The following RCAN1 variants were observed in gnomAD, a reference collection of about 807,000 sequenced individuals.
The protein encoded by RCAN1 is calcipressin-1.
RCAN1 carries 11 observed loss-of-function variants against 22.9 expected under a neutral mutation model. The observed-to-expected ratio is 0.48, with a 90% confidence interval of 0.30 to 0.79. The LOEUF is 0.79. Among genes scored for constraint, RCAN1 ranks in the 30% least tolerant of loss-of-function variants. The probability of loss-of-function intolerance (pLI) is 0.06; values close to 1 mark genes in which losing one functional copy is unlikely to be tolerated. For synonymous variants in RCAN1, 136 were observed against 142.3 expected (o/e 0.96, Z 0.32); for missense variants, 291 against 337.8 (o/e 0.86, Z 1.09).
At chr21:34,598,346 G>A (rs949383872) in intron 1 of RCAN1, among the ~76,000 whole-genome samples, 5 of 152,226 alleles carry the variant, frequency 3.3e-5, no homozygotes, top group African/African-American at 1.2e-4. Flanking sequence ...CATGAAAACA[G>A]TAGTATGAAA....
intron 1 of RCAN1, among the ~76,000 whole-genome samples, chr21:34,545,032 G>A (rs1265364897): frequency 1.3e-5 from 2 of 152,204 alleles, no homozygotes; most frequent in Non-Finnish European, 1.5e-5. Flanking sequence ...CACCATCAGT[G>A]GAGCGAGAGC....
At chr21:34,537,842 G>C (rs1305857222) in intron 1 of RCAN1, among the ~76,000 whole-genome samples, 1 of 152,176 alleles carries the variant, frequency 6.6e-6, no homozygotes, top group Non-Finnish European at 1.5e-5. Context: ...GTGTGTGTGT[G>C]TGTGTACTTA....
chr21:34,555,286 C>T (rs1039883527), intron 1 of RCAN1, among the ~76,000 whole-genome samples: 3 of 152,096 alleles, frequency 2.0e-5, no homozygotes, highest in Non-Finnish European at 4.4e-5. Flanking sequence ...ATGAGCCAAT[C>T]GGGGACATTT....
At chr21:34,530,430 T>A (rs1985315404) in intron 1 of RCAN1, among the ~76,000 whole-genome samples, 1 of 152,106 alleles carries the variant, frequency 6.6e-6, no homozygotes, top group Non-Finnish European at 1.5e-5. Flanking sequence ...TCTAAGGAGT[T>A]GACAACTGCA....
At chr21:34,565,887 A>C (rs1986985987) in intron 1 of RCAN1, among the ~76,000 whole-genome samples, 1 of 152,194 alleles carries the variant, frequency 6.6e-6, no homozygotes, top group Non-Finnish European at 1.5e-5. Flanking sequence ...AAGCTCTGCA[A>C]GGGCGGAGCT....
At chr21:34,595,460 G>A (rs1002977617) in intron 1 of RCAN1, among the ~76,000 whole-genome samples, 9 of 152,246 alleles carry the variant, frequency 5.9e-5, no homozygotes, top group African/African-American at 1.7e-4. Context: ...ATCAAGCTAA[G>A]TTTGACCTTT....
chr21:34,544,348 A>G (rs1158993546), intron 1 of RCAN1, among the ~76,000 whole-genome samples: 1 of 152,224 alleles, frequency 6.6e-6, no homozygotes, highest in Non-Finnish European at 1.5e-5. Context: ...GGAGGGGGCC[A>G]TGTGGCAAGG....
chr21:34,568,559 C>T (rs1224933027), intron 1 of RCAN1, among the ~76,000 whole-genome samples: 2 of 152,202 alleles, frequency 1.3e-5, no homozygotes, highest in East Asian at 1.9e-4. Context: ...GCAGAATGAG[C>T]TCTTAGAGGG....
intron 1 of RCAN1, among the ~76,000 whole-genome samples, chr21:34,534,446 T>C (rs1340299593): frequency 5.3e-5 from 8 of 152,258 alleles, no homozygotes; most frequent in Middle Eastern, 3.4e-3. Flanking sequence ...CTTGGCATCA[T>C]AGTCATGTTG....
intron 1 of RCAN1, among the ~76,000 whole-genome samples, chr21:34,544,741 G>T (rs201790737): frequency 6.6e-6 from 1 of 152,208 alleles, no homozygotes; most frequent in East Asian, 1.9e-4. Flanking sequence ...TGGTCCCCAA[G>T]ATAGAAAGTA....
rs1984109767 is a variant in RCAN1 at position 34,517,294 on chromosome 21, C to T, written c.*790G>A. 1 of 152,258 alleles carries T rather than the reference C, an allele frequency of 6.6e-6. No homozygotes were observed. The highest frequency in any genetic ancestry group is 1.5e-5 in the Non-Finnish European group (1 of 68,046). The allele number at this position is 152,258 out of a possible 1,614,324, so 9.4% of individuals were successfully genotyped here. A position where few individuals can be genotyped will look rare whatever the true frequency, so the allele number is the denominator to read the frequency against. On this transcript the variant is annotated 3_prime_UTR_variant, in exon 4 of 4. Coordinates refer to ENST00000313806, the MANE Select transcript of RCAN1 (RefSeq NM_004414.7). ...CCACTAAAAGTTGGCAGTGAAACTG[C>T]TATTCTCTGAATTGTATAAGCTAAA...
At chr21:34,602,930 A>G (rs913695022) in intron 1 of RCAN1, among the ~76,000 whole-genome samples, 1 of 152,124 alleles carries the variant, frequency 6.6e-6, no homozygotes, top group African/African-American at 2.4e-5. Flanking sequence ...TCTCCCCTTC[A>G]GGTGAGCACG....
chr21:34,577,144 G>A (rs1987434874), intron 1 of RCAN1, among the ~76,000 whole-genome samples: 1 of 152,208 alleles, frequency 6.6e-6, no homozygotes, highest in Admixed American at 6.5e-5. Flanking sequence ...GCACTAATGA[G>A]CTGAGTGAGG....
intron 1 of RCAN1, among the ~76,000 whole-genome samples, chr21:34,581,263 T>A (rs748680368): frequency 2.4e-4 from 36 of 152,324 alleles, no homozygotes; most frequent in Non-Finnish European, 4.6e-4. Context: ...GTCCAATCCC[T>A]ATTCCAACAT....
chr21:34,530,073 T>G (rs891222759), intron 1 of RCAN1, among the ~76,000 whole-genome samples: 1 of 151,896 alleles, frequency 6.6e-6, no homozygotes, highest in Admixed American at 6.5e-5. Flanking sequence ...TGGGTATGTC[T>G]TGTCTTTATC....
chr21:34,605,914 G>A (rs1052732707), intron 1 of RCAN1, among the ~76,000 whole-genome samples: 6 of 89,196 alleles, frequency 6.7e-5, no homozygotes, highest in African/African-American at 1.3e-4. Context: ...AGCAAGACTC[G>A]GTCTCAGAAA....
chr21:34,524,065 C>A (rs2123582098), intron 1 of RCAN1: 1 of 163,278 alleles, frequency 6.1e-6, no homozygotes, highest in Middle Eastern at 3.2e-3. Context: ...GCATGAGCCA[C>A]CGTGCCTGGC....
intron 3 of RCAN1, among the ~76,000 whole-genome samples, chr21:34,519,739 C>T (rs1984357566): frequency 6.6e-6 from 1 of 152,092 alleles, no homozygotes; most frequent in African/African-American, 2.4e-5. Context: ...CGAGGAGGCA[C>T]CGCACCAACC....
At chr21:34,610,020 G>A (rs774185522) in intron 1 of RCAN1, among the ~76,000 whole-genome samples, 3 of 152,124 alleles carry the variant, frequency 2.0e-5, no homozygotes, top group East Asian at 1.9e-4. Flanking sequence ...CTGAGAAACC[G>A]CATGCCTCAC....
Sources: allele counts gnomAD v4.1 joint callset (sites outside exome capture counted in the v4.1 genomes callset), GRCh38; gene constraint gnomAD v4.1.1; transcripts MANE v1.5; gene names NCBI Gene and HGNC (gene_info 2026-07-23, HGNC 2026-07-21).